The following SAMSN1 variants were observed in gnomAD, a reference collection of about 807,000 sequenced individuals.
The protein encoded by SAMSN1 is SAM domain-containing protein SAMSN-1.
In SAMSN1, 31 loss-of-function variants were observed where a neutral mutation model predicts 42.0. The observed-to-expected ratio is 0.74, with a 90% CI of 0.55 to 1.00. SAMSN1 has a LOEUF of 1.00. SAMSN1 is among the 50% of genes least tolerant of loss of function. The probability of loss-of-function intolerance (pLI) is 0.00; values close to 1 mark genes in which losing one functional copy is unlikely to be tolerated. For synonymous variants in SAMSN1, 178 were observed against 151.9 expected (o/e 1.17, Z -1.26); for missense variants, 464 against 439.4 (o/e 1.06, Z -0.50).
intron 5 of SAMSN1, among the ~76,000 whole-genome samples, chr21:14,506,811 T>G (rs999039325): frequency 2.6e-5 from 4 of 152,132 alleles, no homozygotes; most frequent in African/African-American, 9.7e-5. Context: ...ACTAGCTAAC[T>G]GAATTCAACA....
chr21:14,626,464 A>G (rs1486042339), intron 2 of SAMSN1, among the ~76,000 whole-genome samples: 1 of 152,160 alleles, frequency 6.6e-6, no homozygotes, highest in Non-Finnish European at 1.5e-5. Context: ...CAAAAAGTGA[A>G]CAAAGGATAT....
chr21:14,492,081 T>C (rs1986712965), intron 7 of SAMSN1, among the ~76,000 whole-genome samples: 1 of 152,234 alleles, frequency 6.6e-6, no homozygotes, highest in South Asian at 2.1e-4. Flanking sequence ...GAAGTCCCTA[T>C]TGTTTTTAGT....
chr21:14,621,942 C>T (rs1293672700), intron 2 of SAMSN1, among the ~76,000 whole-genome samples: 3 of 152,202 alleles, frequency 2.0e-5, no homozygotes, highest in African/African-American at 7.2e-5. Context: ...GAGGAAAGAT[C>T]AGGCAGCAAC....
chr21:14,494,681 G>A (rs117555581), intron 7 of SAMSN1, among the ~76,000 whole-genome samples: 3,080 of 150,888 alleles, frequency 0.02, 57 homozygotes, highest in Non-Finnish European at 0.024. Flanking sequence ...TGTTCTGCAC[G>A]TGTATCCCAG....
chr21:14,508,061 A>T (rs1987495689), intron 5 of SAMSN1, among the ~76,000 whole-genome samples: 1 of 152,214 alleles, frequency 6.6e-6, no homozygotes, highest in Non-Finnish European at 1.5e-5. Flanking sequence ...TCATCTCAAG[A>T]TGGACTAACG....
chr21:14,577,284 A>ATATATAT (rs1460040142), intron 2 of SAMSN1, among the ~76,000 whole-genome samples: 65 of 53,824 alleles, frequency 1.2e-3, no homozygotes, highest in Non-Finnish European at 1.5e-3. Flanking sequence ...ATATATATAT[A>ATATATAT]TTTTTTTTTT....
intron 7 of SAMSN1, among the ~76,000 whole-genome samples, chr21:14,497,716 C>T (rs1986969739): frequency 6.6e-6 from 1 of 152,056 alleles, no homozygotes; most frequent in South Asian, 2.1e-4. Flanking sequence ...TTTGGTTGCT[C>T]ACAAAATACT....
At chr21:14,557,340 A>G (rs746225928) in intron 2 of SAMSN1, among the ~76,000 whole-genome samples, 2 of 152,212 alleles carry the variant, frequency 1.3e-5, no homozygotes, top group Non-Finnish European at 2.9e-5. Context: ...TGCAAAATGT[A>G]TAAAATTCCT....
chr21:14,635,075 A>G lies in SAMSN1; in HGVS notation c.156+7927T>C, dbSNP rs568531449. 6.3e-4 allele frequency among the ~76,000 whole-genome samples: 96 copies of G among 152,302 alleles called. 2 individuals are homozygous for G. The highest frequency in any genetic ancestry group is 5.8e-3 in the South Asian group (28 of 4,828). On this transcript the variant is annotated intron_variant, in intron 2 of 15. Transcript: ENST00000647101. ...AAGCCATTATCCTCAGCAAACTAAC[A>G]CAGGAACAGAAGACCAAACATCACA...
intron 2 of SAMSN1, among the ~76,000 whole-genome samples, chr21:14,621,950 A>T (rs1380340737): frequency 1.3e-5 from 2 of 152,242 alleles, no homozygotes; most frequent in Non-Finnish European, 2.9e-5. Context: ...ATCAGGCAGC[A>T]ACATTTGCTG....
chr21:14,530,099 G>A (rs1237820395), intron 1 of SAMSN1, among the ~76,000 whole-genome samples: 1 of 152,152 alleles, frequency 6.6e-6, no homozygotes, highest in South Asian at 2.1e-4. Context: ...GGCGGATCAC[G>A]AGGTCAGGAG....
At chr21:14,492,096 A>T (rs1407461233) in intron 7 of SAMSN1, among the ~76,000 whole-genome samples, 1 of 152,128 alleles carries the variant, frequency 6.6e-6, no homozygotes, top group African/African-American at 2.4e-5. Context: ...TTTAGTTTTT[A>T]CCCAAAACTA....
chr21:14,526,054 G>GACTAAAATAGTAA (rs1978834283), intron 1 of SAMSN1, among the ~76,000 whole-genome samples: 1 of 152,028 alleles, frequency 6.6e-6, no homozygotes, highest in Non-Finnish European at 1.5e-5. Flanking sequence ...TTTTAGTAGA[G>GACTAAAATAGTAA]ACAGGGTTTG....
chr21:14,507,167 A>G (rs1600871757), intron 5 of SAMSN1, among the ~76,000 whole-genome samples: 1 of 152,218 alleles, frequency 6.6e-6, no homozygotes, highest in East Asian at 1.9e-4. Flanking sequence ...TTCCTCTTCA[A>G]CACAGTACTG....
In SAMSN1 at chr21:14,574,664, C is replaced by T. The variant is rs370110554; in HGVS notation, c.261+7472G>A. 2.2e-4 allele frequency among the ~76,000 whole-genome samples: 34 copies of T among 152,132 alleles called. 1 individual carries two copies. Among genetic ancestry groups the T allele is most frequent in the African/African-American group, 8.2e-4 (34 of 41,428 alleles). ...CTATTTTAATATTACCTCTATTTAT[C>T]CTGGGTTTCTAGACTAATACTTCAC... On this transcript the variant is annotated intron_variant, in intron 2 of 8. Transcript: ENST00000285670.
chr21:14,654,729 A>G (rs540480244), intron 1 of SAMSN1, among the ~76,000 whole-genome samples: 2 of 152,152 alleles, frequency 1.3e-5, no homozygotes, highest in African/African-American at 4.8e-5. Context: ...GTAATAGTTC[A>G]TATATCTGCT....
intron 1 of SAMSN1, among the ~76,000 whole-genome samples, chr21:14,538,184 A>G (rs974322686): frequency 2.0e-5 from 3 of 152,226 alleles, no homozygotes; most frequent in Admixed American, 1.3e-4. Context: ...ATATTTACTT[A>G]TAGCCACCGT....
intron 2 of SAMSN1, among the ~76,000 whole-genome samples, chr21:14,575,245 T>C (rs562497151): frequency 6.6e-6 from 1 of 152,328 alleles, no homozygotes; most frequent in Admixed American, 6.5e-5. Flanking sequence ...GCATCAAATA[T>C]TAAATTGGTC....
intron 2 of SAMSN1, among the ~76,000 whole-genome samples, chr21:14,628,149 T>C (rs1425381298): frequency 6.6e-6 from 1 of 152,106 alleles, no homozygotes; most frequent in Non-Finnish European, 1.5e-5. Context: ...ATCAATGGGA[T>C]AGGAGATTAA....
Sources: allele counts gnomAD v4.1 joint callset (sites outside exome capture counted in the v4.1 genomes callset), GRCh38; gene constraint gnomAD v4.1.1; transcripts MANE v1.5; gene names NCBI Gene and HGNC (gene_info 2026-07-23, HGNC 2026-07-21).